Variants in NAF1 observed in about 807,000 individuals in gnomAD.
The protein encoded by NAF1 is nuclear assembly factor 1 ribonucleoprotein.
Under a neutral mutation model 40.6 loss-of-function variants are expected in NAF1, and 11 were observed. The observed-to-expected ratio is 0.27, with a 90% CI of 0.17 to 0.45. The LOEUF (loss-of-function observed/expected upper bound fraction) is 0.45. NAF1 is among the 20% of genes least tolerant of loss of function. The pLI is 1.00. For missense variants in NAF1, 607 were observed against 611.1 expected (o/e 0.99, Z 0.07); for synonymous variants, 260 against 228.5 (o/e 1.14, Z -1.24).
rs138045589 is a variant in NAF1 at position 163,113,558 on chromosome 4, A to G, written c.115-3268T>C. On this transcript the variant is annotated intron_variant, in intron 2 of 2. Transcript: ENST00000509434. ...TCAGCCGCCCACAGGATCAGACTTC[A>G]AGCTTGGTTTTCAGAAATTTTAACC... Among the ~76,000 whole-genome samples the G allele has an allele frequency of 5.9e-3, 890 of 152,072 alleles. 11 individuals carry two copies. The highest frequency in any genetic ancestry group is 0.02 in the African/African-American group (829 of 41,472).
At position 163,156,210 on chromosome 4, in the gene NAF1, C is replaced by A. The variant is rs1229957258; in HGVS notation, c.541-7776G>T. 1.8e-5 allele frequency among the ~76,000 whole-genome samples: 2 copies of A among 110,432 alleles called. 1 individual carries two copies. Among genetic ancestry groups the A allele is most frequent in the African/African-American group, 5.8e-5 (2 of 34,454 alleles). 72.4% of individuals were successfully genotyped at this position (110,432 alleles called of 152,430 possible). On this transcript the variant is annotated intron_variant, in intron 2 of 7. Transcript: ENST00000274054. ...CAGAAAACATACTGTGGGACATTAC[C>A]ACTCTGGCAGTGCACAGAAGATACA... is the stretch of plus-strand genomic sequence containing the variant.
intron 6 of NAF1, 95 bp downstream of exon 6, chr4:163,137,104 T>C: frequency 7.2e-7 from 1 of 1,380,712 alleles, no homozygotes; most frequent in Non-Finnish European, 1.0e-6. Flanking sequence ...TGCTAGCCAG[T>C]ATTAATGACT....
chr4:163,115,026 C>A (rs1029241669), intron 2 of NAF1, among the ~76,000 whole-genome samples: 4 of 151,842 alleles, frequency 2.6e-5, no homozygotes, highest in African/African-American at 9.7e-5. Context: ...CATCCTATTT[C>A]CTATGACGGT....
chr4:163,110,284 C>T (rs1305572375), exon 3 of NAF1: 2 of 701,034 alleles, frequency 2.9e-6, no homozygotes, highest in Non-Finnish European at 2.6e-6. Context: ...CTTCAGTCAA[C>T]CATGGTCTGA....
chr4:163,120,096 T>C (rs1730472350), intron 2 of NAF1: 1 of 152,256 alleles, frequency 6.6e-6, no homozygotes, highest in Non-Finnish European at 1.5e-5. Context: ...GATGAAATGC[T>C]GCATGATACA....
At chr4:163,155,530 T>G (rs1267897440) in intron 2 of NAF1, among the ~76,000 whole-genome samples, 1 of 152,160 alleles carries the variant, frequency 6.6e-6, no homozygotes, top group Admixed American at 6.5e-5. Context: ...GAAAAAGACT[T>G]GAACCTAATC....
intron 2 of NAF1, among the ~76,000 whole-genome samples, chr4:163,114,894 CTTA>C (rs1434434702): frequency 1.3e-5 from 2 of 152,112 alleles, no homozygotes; most frequent in African/African-American, 2.4e-5. Flanking sequence ...ATGGTTTCTA[CTTA>C]ATAGAGGACT....
chr4:163,153,060 G>C (rs147672284), intron 2 of NAF1, among the ~76,000 whole-genome samples: 1 of 152,322 alleles, frequency 6.6e-6, no homozygotes, highest in East Asian at 1.9e-4. Flanking sequence ...TCGATTTCTC[G>C]CCGAGCCTTA....
At chr4:163,141,376 G>A (rs1188736570) in intron 4 of NAF1, among the ~76,000 whole-genome samples, 2 of 152,116 alleles carry the variant, frequency 1.3e-5, no homozygotes, top group African/African-American at 2.4e-5. Flanking sequence ...ATATTATAGA[G>A]ATAAGACCAT....
At chr4:163,104,904 T>G in the NAF1 span, among the ~76,000 whole-genome samples, 3 of 152,202 alleles carry the variant, frequency 2.0e-5, no homozygotes, top group Admixed American at 2.0e-4. Flanking sequence ...ACTCAACAAT[T>G]TGCTCAGTGC....
downstream of NAF1, among the ~76,000 whole-genome samples, chr4:163,123,875 C>T (rs1183794021): frequency 6.6e-6 from 1 of 152,152 alleles, no homozygotes; most frequent in Non-Finnish European, 1.5e-5. Flanking sequence ...GTGAGTGGAA[C>T]ATTTTAAGTA....
intron 4 of NAF1, among the ~76,000 whole-genome samples, chr4:163,143,096 T>TA (rs1731325209): frequency 6.6e-6 from 1 of 152,222 alleles, no homozygotes; most frequent in African/African-American, 2.4e-5. Flanking sequence ...AAAACTAGTA[T>TA]ATATTCTGTA....
At chr4:163,160,175 T>A (rs938190327) in intron 2 of NAF1, among the ~76,000 whole-genome samples, 1 of 152,164 alleles carries the variant, frequency 6.6e-6, no homozygotes, top group Non-Finnish European at 1.5e-5. Flanking sequence ...AGGTTATATA[T>A]AAACCTTCTG....
downstream of NAF1, among the ~76,000 whole-genome samples, chr4:163,107,065 C>A (rs1425506174): frequency 1.3e-5 from 2 of 152,036 alleles, no homozygotes; most frequent in Non-Finnish European, 2.9e-5. Flanking sequence ...CGGCTCACTG[C>A]AACCTCCGCC....
chr4:163,136,737 A>C (rs1731073640), intron 6 of NAF1, among the ~76,000 whole-genome samples: 1 of 152,190 alleles, frequency 6.6e-6, no homozygotes, highest in South Asian at 2.1e-4. Context: ...TATATCGTAA[A>C]AAGTAGAGAG....
chr4:163,115,162 C>G (rs1359828186), intron 2 of NAF1, among the ~76,000 whole-genome samples: 1 of 148,912 alleles, frequency 6.7e-6, no homozygotes, highest in Non-Finnish European at 1.5e-5. Context: ...CTGTTATTCT[C>G]AATAAAGTTT....
At position 163,128,801 on chromosome 4, in the gene NAF1, G is replaced by C; in HGVS notation, c.*96C>G. ...AAGGAATCATTTAGTATTTTACAGTGTTTTTAAAAATCTAGCTCCATAATC... is the reference window on the plus strand; with the variant it reads ...AAGGAATCATTTAGTATTTTACAGTCTTTTTAAAAATCTAGCTCCATAATC... On this transcript the variant is annotated 3_prime_UTR_variant, in exon 8 of 8. Transcript: ENST00000274054. 7.4e-7 allele frequency: 1 copy of C among 1,348,086 alleles called. No individual in the cohort carries two copies. Among genetic ancestry groups the C allele is most frequent in the Admixed American group, 2.5e-5 (1 of 39,652 alleles). The allele number at this position is 1,348,086 out of a possible 1,614,324, so 83.5% of individuals were successfully genotyped here.
downstream of NAF1, among the ~76,000 whole-genome samples, chr4:163,122,972 C>T (rs1380432624): frequency 1.3e-5 from 2 of 152,182 alleles, no homozygotes; most frequent in Non-Finnish European, 2.9e-5. Flanking sequence ...CACTCTATTC[C>T]AGGTTTCCCC....
At chr4:163,122,880 G>A (rs769759801), downstream of NAF1, among the ~76,000 whole-genome samples, 21 of 152,154 alleles carry the variant, frequency 1.4e-4, no homozygotes, top group African/African-American at 3.9e-4. Context: ...ATAAATTTCT[G>A]TTCATTATAC....
Sources: gnomAD v4.1 joint callset for allele counts (sites outside exome capture counted in the v4.1 genomes callset) on GRCh38, gnomAD v4.1.1 for gene constraint, MANE v1.5 for transcripts, NCBI Gene and HGNC (gene_info 2026-07-23, HGNC 2026-07-21) for gene names.